The following OR7A10 variants were observed in gnomAD, a reference collection of about 807,000 sequenced individuals.
The protein encoded by OR7A10 is olfactory receptor 7A10.
For missense variants in OR7A10, 358 were observed against 370.1 expected (o/e 0.97, Z 0.27); for synonymous variants, 144 against 144.5 (o/e 1.00, Z 0.02).
intron 1 of OR7A10, among the ~76,000 whole-genome samples, chr19:14,846,236 A>C (rs1237500906): frequency 6.6e-6 from 1 of 152,198 alleles, no homozygotes; most frequent in Non-Finnish European, 1.5e-5. Flanking sequence ...CAACTGCACT[A>C]AAATATAGCA....
intron 1 of OR7A10, among the ~76,000 whole-genome samples, chr19:14,843,110 G>A (rs967116142): frequency 2.6e-5 from 4 of 152,140 alleles, no homozygotes; most frequent in African/African-American, 9.7e-5. Context: ...TTACATAAAT[G>A]CAAATTAAAA....
intron 1 of OR7A10, among the ~76,000 whole-genome samples, chr19:14,847,653 A>G (rs62122657): frequency 0.15 from 22,752 of 151,780 alleles, 1,841 homozygotes; most frequent in Non-Finnish European, 0.18. Context: ...TGGGACTACA[A>G]GCGCCCGCCA....
Position 14,840,749 on chromosome 19 carries a change from C to T in OR7A10, c.*199G>A, listed in dbSNP as rs3752191. 121,928 of 449,672 alleles carry T rather than the reference C, an allele frequency of 0.27. 17,928 individuals are homozygous for T. Among genetic ancestry groups the T allele is most frequent in the East Asian group, 0.51 (14,906 of 28,996 alleles). 27.9% of individuals were successfully genotyped at this position (449,672 alleles called of 1,614,324 possible). On this transcript the variant is annotated 3_prime_UTR_variant, in exon 2 of 2. Coordinates refer to ENST00000641129, the MANE Select transcript of OR7A10 (RefSeq NM_001005190.2). ...TCATGTATGATTGAAAATTATATTC[C>T]GTCATATTTAAGGTCATCTCTGACT... is the stretch of plus-strand genomic sequence containing the variant.
chr19:14,844,900 G>A (rs1185837596), intron 1 of OR7A10, among the ~76,000 whole-genome samples: 1 of 151,202 alleles, frequency 6.6e-6, no homozygotes, highest in African/African-American at 2.4e-5. Flanking sequence ...TGACCTCAGG[G>A]GATCTGCCCA....
rs1568258048 is a variant in OR7A10, at chr19:14,841,833, C to T, written c.45G>A (p.Leu15=). 5 of 1,613,322 alleles carry T rather than the reference C, an allele frequency of 3.1e-6. No individual in the cohort carries two copies. The highest frequency in any genetic ancestry group is 4.2e-6 in the Non-Finnish European group (5 of 1,179,690). ...NNTIILEFLL[L]GISEEPELQA... ...GCAATTCTGGTTCCTCTGAAATTCC[C>T]AGGAGAAGAAATTCTAAAATTATTG... The change falls in exon 2 of 2, where the codon CTG becomes CTA. Residue 15 remains leucine (L), a synonymous_variant. Coordinates refer to ENST00000641129, the MANE Select transcript of OR7A10 (RefSeq NM_001005190.2).
At position 14,848,551 on chromosome 19, in the gene OR7A10, C is replaced by T. The variant is rs1383771296; in HGVS notation, c.-64G>A. 1 of 152,246 alleles carries T rather than the reference C, an allele frequency of 6.6e-6. No individual in the cohort carries two copies. The highest frequency in any genetic ancestry group is 1.5e-5 in the Non-Finnish European group (1 of 68,140). 9.4% of individuals were successfully genotyped at this position (152,246 alleles called of 1,614,324 possible). A position where few individuals can be genotyped will look rare whatever the true frequency, so the allele number is the denominator to read the frequency against. On this transcript the variant is annotated 5_prime_UTR_variant, in exon 1 of 2. Coordinates refer to ENST00000641129, the MANE Select transcript of OR7A10 (RefSeq NM_001005190.2). ...CTCAATCTAGAAGTGCAAATTCCTCCCTGGATGGTTGATGGTGGAGACTGA... is the reference window on the plus strand; with the variant it reads ...CTCAATCTAGAAGTGCAAATTCCTCTCTGGATGGTTGATGGTGGAGACTGA...
chr19:14,848,543 A>G lies in OR7A10; in HGVS notation c.-56T>C, dbSNP rs2044954422. The G allele has an allele frequency of 6.6e-6, 1 of 152,254 alleles. No individual in the cohort carries two copies. The highest frequency in any genetic ancestry group is 2.4e-5 in the African/African-American group (1 of 41,424). 9.4% of individuals were successfully genotyped at this position (152,254 alleles called of 1,614,324 possible). A position where few individuals can be genotyped will look rare whatever the true frequency, so the allele number is the denominator to read the frequency against. On this transcript the variant is annotated 5_prime_UTR_variant, in exon 1 of 2. Transcript: ENST00000641129. Reference sequence around the variant, plus strand: ...ATGAAGGTCTCAATCTAGAAGTGCAAATTCCTCCCTGGATGGTTGATGGTG... The same window carrying G: ...ATGAAGGTCTCAATCTAGAAGTGCAGATTCCTCCCTGGATGGTTGATGGTG...
chr19:14,846,188 T>C (rs2044941914), intron 1 of OR7A10, among the ~76,000 whole-genome samples: 1 of 152,110 alleles, frequency 6.6e-6, no homozygotes. Context: ...TTGTAGCATT[T>C]ATAGGATAGG....
intron 1 of OR7A10, 78 bp from the exon 2 acceptor site, chr19:14,841,967 G>A (rs2044917169): frequency 4.7e-6 from 4 of 850,662 alleles, no homozygotes; most frequent in Non-Finnish European, 5.5e-6. Context: ...TATCAGAAAT[G>A]TTATCATTTA....
chr19:14,841,231 T>C lies in OR7A10; in HGVS notation c.647A>G (p.Tyr216Cys). Residue 216 changes from tyrosine to cysteine, a missense_variant, in exon 2 of 2, where the codon TAC becomes TGC. Transcript: ENST00000641129. ...GGAGGAAACTATCTTAGAGTAAGAG[T>C]ACAGGATCCCAGTGAGGGGACCACC... is the stretch of plus-strand genomic sequence containing the variant. ...LGGGPLTGILYSYSKIVSSIR... is the reference protein window; with the variant it reads ...LGGGPLTGILCSYSKIVSSIR... The C allele has an allele frequency of 1.2e-6, 2 of 1,614,136 alleles. No individual in the cohort carries two copies. The highest frequency in any genetic ancestry group is 1.7e-6 in the Non-Finnish European group (2 of 1,180,030).
In OR7A10 at chr19:14,840,888, A is replaced by G. The variant is rs2044906650; in HGVS notation, c.*60T>C. ...TCCACCATCTTATTAACAAATCACC[A>G]TTTCTGGCTCTGGGGCTTAGAGCTC... On this transcript the variant is annotated 3_prime_UTR_variant, in exon 2 of 2. Coordinates refer to ENST00000641129, the MANE Select transcript of OR7A10 (RefSeq NM_001005190.2). 3 of 1,216,830 alleles carry G rather than the reference A, an allele frequency of 2.5e-6. No individual in the cohort carries two copies. The highest frequency in any genetic ancestry group is 1.5e-5 in the African/African-American group (1 of 65,872). 75.4% of individuals were successfully genotyped at this position (1,216,830 alleles called of 1,614,324 possible). A position where few individuals can be genotyped will look rare whatever the true frequency, so the allele number is the denominator to read the frequency against.
chr19:14,847,660 G>A (rs552806305), intron 1 of OR7A10, among the ~76,000 whole-genome samples: 60 of 152,000 alleles, frequency 3.9e-4, no homozygotes, highest in Non-Finnish European at 7.2e-4. Flanking sequence ...ACAAGCGCCC[G>A]CCACCACGCC....
In OR7A10 at chr19:14,841,085, T is replaced by C. The variant is rs756128909; in HGVS notation, c.793A>G (p.Thr265Ala). ...GCAGCACCTGTGTGTGAATTGTGGG[T>C]GGCAGCAGAACTAAGGTACACCCCT... is the stretch of plus-strand genomic sequence containing the variant. The part of the protein sequence containing the change: ...CLGVYLSSAA[T>A]HNSHTGAAAS... Residue 265 changes from threonine to alanine, a missense_variant, in exon 2 of 2, where the codon ACC becomes GCC. Physicochemically the swap from Thr to Ala is moderately conservative, Grantham distance 58. Transcript: ENST00000641129. 1 of 1,614,048 alleles carries C rather than the reference T, an allele frequency of 6.2e-7. No homozygotes were observed. The highest frequency in any genetic ancestry group is 1.7e-5 in the Admixed American group (1 of 59,994).
At chr19:14,847,031 C>A (rs913225102) in intron 1 of OR7A10, among the ~76,000 whole-genome samples, 2 of 152,096 alleles carry the variant, frequency 1.3e-5, no homozygotes, top group African/African-American at 2.4e-5. Flanking sequence ...ACTGTCCTCT[C>A]AAATACATTG....
Position 14,845,781 on chromosome 19 carries a change from G to C in OR7A10, c.-13+2719C>G, listed in dbSNP as rs533676880. ...AAGCCACATTATTCATTGTGGTGGG[G>C]TCTGTCCCTGTTGTCTGCTGACCTT... On this transcript the variant is annotated intron_variant, in intron 1 of 1. Coordinates refer to ENST00000641129, the MANE Select transcript of OR7A10 (RefSeq NM_001005190.2). Among the ~76,000 whole-genome samples, 7 of 152,294 alleles carry C rather than the reference G, an allele frequency of 4.6e-5. No homozygotes were observed. The East Asian group carries it at 1.3e-3, about 29-fold the overall frequency.
At position 14,846,709 on chromosome 19, in the gene OR7A10, C is replaced by CAA. The variant is rs60087409; in HGVS notation, c.-13+1789_-13+1790dup. On this transcript the variant is annotated intron_variant, in intron 1 of 1. Coordinates refer to ENST00000641129, the MANE Select transcript of OR7A10 (RefSeq NM_001005190.2). ...TGGGTGACAGAGCGAGACTCCATCT[C>CAA]AAAAAAAAAAAAAAAAGGAAAAGGA... is the stretch of plus-strand genomic sequence containing the variant. Among the ~76,000 whole-genome samples, 16 of 64,040 alleles carry CAA rather than the reference C, an allele frequency of 2.5e-4. No homozygotes were observed. The East Asian group carries it at 5.0e-3, about 20-fold the overall frequency. The allele number at this position is 64,040 out of a possible 152,430, so 42.0% of individuals were successfully genotyped here. A position where few individuals can be genotyped will look rare whatever the true frequency, so the allele number is the denominator to read the frequency against.
chr19:14,848,033 G>C (rs796383473), intron 1 of OR7A10, among the ~76,000 whole-genome samples: 20 of 151,884 alleles, frequency 1.3e-4, no homozygotes, highest in African/African-American at 4.6e-4. Context: ...TGAGGCAGGA[G>C]AATTGCTTGA....
chr19:14,847,497 G>C (rs1216515090), intron 1 of OR7A10, among the ~76,000 whole-genome samples: 1 of 151,950 alleles, frequency 6.6e-6, no homozygotes, highest in Non-Finnish European at 1.5e-5. Flanking sequence ...ACTCAAATAT[G>C]CCCTTCTATT....
chr19:14,846,727 G>GAAAAAAAAAAAA (rs1242384296), intron 1 of OR7A10, among the ~76,000 whole-genome samples: 34 of 75,056 alleles, frequency 4.5e-4, no homozygotes, highest in East Asian at 1.6e-3. Flanking sequence ...AAAAAAAAAG[G>GAAAAAAAAAAAA]AAAAGGAAGT....
Sources: allele counts gnomAD v4.1 joint callset (sites outside exome capture counted in the v4.1 genomes callset), GRCh38; gene constraint gnomAD v4.1.1; transcripts MANE v1.5; gene names NCBI Gene and HGNC (gene_info 2026-07-23, HGNC 2026-07-21).